Variants in TMPRSS9 observed in about 807,000 individuals in gnomAD.
TMPRSS9 encodes transmembrane protease serine 9.
Under a neutral mutation model 111.4 loss-of-function variants are expected in TMPRSS9, and 113 were observed. The observed-to-expected ratio is 1.01, with a 90% CI of 0.87 to 1.19. TMPRSS9 has a LOEUF of 1.19. TMPRSS9 is among the 50% of genes most tolerant of loss of function. The probability of loss-of-function intolerance (pLI) is 0.00; values close to 1 mark genes in which losing one functional copy is unlikely to be tolerated. For missense variants in TMPRSS9, 1,803 were observed against 1,513.1 expected (o/e 1.19, Z -3.18); for synonymous variants, 805 against 659.1 (o/e 1.22, Z -3.39).
chr19:2,395,559 T>A (rs1970688182), intron 1 of TMPRSS9, among the ~76,000 whole-genome samples: 1 of 152,082 alleles, frequency 6.6e-6, no homozygotes, highest in Non-Finnish European at 1.5e-5. Context: ...AAACCCCATC[T>A]GTACTAGCTG....
rs1206097390 is a variant in TMPRSS9 at position 2,418,293 on chromosome 19, T to C, written c.2154+155T>C. ...CCTTCCCTCCTTTTCCTTTCCTCCT[T>C]TCCTTCCCTCCCTTTCCCTCCCTCC... is the stretch of plus-strand genomic sequence containing the variant. On this transcript the variant is annotated intron_variant, in intron 13 of 17. Coordinates refer to ENST00000648592, the Ensembl canonical transcript of TMPRSS9. Among the ~76,000 whole-genome samples, 65 of 84,720 alleles carry C rather than the reference T, an allele frequency of 7.7e-4. 5 individuals are homozygous for C. Among genetic ancestry groups the C allele is most frequent in the African/African-American group, 1.1e-3 (15 of 14,026 alleles). The allele number at this position is 84,720 out of a possible 152,430, so 55.6% of individuals were successfully genotyped here. A position where few individuals can be genotyped will look rare whatever the true frequency, so the allele number is the denominator to read the frequency against.
At chr19:2,369,624 A>G (rs1970273991) in intron 1 of TMPRSS9, among the ~76,000 whole-genome samples, 1 of 127,446 alleles carries the variant, frequency 7.8e-6, no homozygotes, top group East Asian at 2.3e-4. Context: ...TTTTTTTTAG[A>G]GATGGGATCT....
chr19:2,377,224 T>C (rs2145254450), intron 1 of TMPRSS9, among the ~76,000 whole-genome samples: 1 of 142,426 alleles, frequency 7.0e-6, no homozygotes, highest in East Asian at 2.1e-4. Flanking sequence ...CAGTTCCTCG[T>C]ACTTTCTTTC....
At chr19:2,422,629 T>C (rs1371478623) in intron 14 of TMPRSS9, among the ~76,000 whole-genome samples, 1 of 149,192 alleles carries the variant, frequency 6.7e-6, no homozygotes, top group Non-Finnish European at 1.5e-5. Flanking sequence ...CTCATGCCTG[T>C]AATCCCAGCA....
At chr19:2,377,748 T>TCC (rs1970351924) in intron 1 of TMPRSS9, among the ~76,000 whole-genome samples, 2 of 120,618 alleles carry the variant, frequency 1.7e-5, no homozygotes, top group Admixed American at 9.3e-5. Context: ...AAGGTCTCAC[T>TCC]GTCACCCAGG....
chr19:2,386,027 C>T (rs1000982113), upstream of TMPRSS9, among the ~76,000 whole-genome samples: 7 of 152,106 alleles, frequency 4.6e-5, no homozygotes, highest in Non-Finnish European at 1.0e-4. Flanking sequence ...TCCTTGCAGC[C>T]TCAACCTCCT....
At chr19:2,396,865 G>A (rs371203494) in intron 2 of TMPRSS9, among the ~76,000 whole-genome samples, 199 bp downstream of exon 3, 8 of 152,216 alleles carry the variant, frequency 5.3e-5, no homozygotes, top group African/African-American at 1.9e-4. Flanking sequence ...AGGCAGAGCT[G>A]TATCCACTGA....
exon 16 of TMPRSS9, chr19:2,425,213 C>A (rs1418523923): frequency 2.0e-6 from 3 of 1,487,214 alleles, no homozygotes; most frequent in Non-Finnish European, 2.7e-6. Context: ...CGCGCCGCGA[C>A]CCCCGGACGG....
chr19:2,389,402 C>T (rs1970539639), upstream of TMPRSS9, among the ~76,000 whole-genome samples: 2 of 124,410 alleles, frequency 1.6e-5, no homozygotes, highest in East Asian at 4.9e-4. Context: ...TGGAGTCTCG[C>T]TCTGTCACCC....
intron 1 of TMPRSS9, among the ~76,000 whole-genome samples, chr19:2,391,035 G>GAAA (rs1473650582): frequency 4.6e-5 from 3 of 64,994 alleles, no homozygotes; most frequent in African/African-American, 1.6e-4. Context: ...AAGAAAGAAA[G>GAAA]GGAGGGAGGG....
At chr19:2,404,061 A>C (rs1403019188) in intron 6 of TMPRSS9, among the ~76,000 whole-genome samples, 1 of 151,636 alleles carries the variant, frequency 6.6e-6, no homozygotes, top group East Asian at 1.9e-4. Flanking sequence ...CCAGCTACTC[A>C]GGAGGCTGAG....
chr19:2,391,715 G>C (rs1970601363), intron 1 of TMPRSS9, among the ~76,000 whole-genome samples: 1 of 150,300 alleles, frequency 6.7e-6, no homozygotes, highest in Non-Finnish European at 1.5e-5. Flanking sequence ...ATTCCCATCA[G>C]GACCCCCCTG....
At chr19:2,394,526 T>G (rs866223513) in intron 1 of TMPRSS9, among the ~76,000 whole-genome samples, 3 of 152,160 alleles carry the variant, frequency 2.0e-5, no homozygotes, top group Middle Eastern at 3.4e-3. Flanking sequence ...TGCAGTTGTT[T>G]AGAGTAGAAA....
Position 2,396,397 on chromosome 19 carries a change from G to A in TMPRSS9, c.143-142G>A, listed in dbSNP as rs78532853. 1,084 of 962,498 alleles carry A rather than the reference G, an allele frequency of 1.1e-3. 11 individuals carry two copies. The African/African-American group carries it at 0.015, about 13-fold the overall frequency. The allele number at this position is 962,498 out of a possible 1,614,324, so 59.6% of individuals were successfully genotyped here. A position where few individuals can be genotyped will look rare whatever the true frequency, so the allele number is the denominator to read the frequency against. On this transcript the variant is annotated intron_variant, in intron 1 of 17. Coordinates refer to ENST00000648592, the Ensembl canonical transcript of TMPRSS9. ...GTGAGTAGCTATTCAGGGCTATCAC[G>A]GGGGCGTCGACCACCCCACTGCGTG... is the stretch of plus-strand genomic sequence containing the variant.
chr19:2,375,998 C>G (rs1483864404), intron 1 of TMPRSS9, among the ~76,000 whole-genome samples: 1 of 152,092 alleles, frequency 6.6e-6, no homozygotes, highest in Non-Finnish European at 1.5e-5. Flanking sequence ...CCATTCGGCT[C>G]TCTCCGAAGT....
At chr19:2,370,990 T>C (rs556845777) in intron 1 of TMPRSS9, among the ~76,000 whole-genome samples, 2 of 152,202 alleles carry the variant, frequency 1.3e-5, no homozygotes, top group South Asian at 4.2e-4. Context: ...GACAATATTA[T>C]GTATCTTGAT....
chr19:2,393,801 G>C (rs1324124484), intron 1 of TMPRSS9, among the ~76,000 whole-genome samples: 1 of 150,852 alleles, frequency 6.6e-6, no homozygotes, highest in Non-Finnish European at 1.5e-5. Context: ...AGGAGGCTGA[G>C]GTTGGAGAAT....
rs906807466 is a variant in TMPRSS9 at position 2,425,000 on chromosome 19, A to C, written c.2718-2A>C. 6.6e-7 allele frequency: 1 copy of C among 1,521,412 alleles called. No homozygotes were observed. Among genetic ancestry groups the C allele is most frequent in the Non-Finnish European group, 8.8e-7 (1 of 1,139,952 alleles). 94.2% of individuals were successfully genotyped at this position (1,521,412 alleles called of 1,614,324 possible). ...CGACGCCTGTCCTCGCGCGCCCCGC[A>C]GCTACGGGGACCCCAAGCAGTGGGC... On this transcript the variant is annotated splice_acceptor_variant, in intron 15 of 17. Transcript: ENST00000648592. LOFTEE classifies it high-confidence loss of function.
exon 18 of TMPRSS9, chr19:2,426,098 G>A (rs1343627842): frequency 6.5e-7 from 1 of 1,542,252 alleles, no homozygotes; most frequent in Non-Finnish European, 8.7e-7. Context: ...ACCACCACGT[G>A]ACTGCCCAGG....
Sources: allele counts gnomAD v4.1 joint callset (sites outside exome capture counted in the v4.1 genomes callset), GRCh38; gene constraint gnomAD v4.1.1; transcripts MANE v1.5; gene names NCBI Gene and HGNC (gene_info 2026-07-23, HGNC 2026-07-21).